The following UBR3 variants were observed in gnomAD, a reference collection of about 807,000 sequenced individuals.
UBR3 encodes ubiquitin protein ligase E3 component n-recognin 3.
In UBR3, 85 loss-of-function variants were observed where a neutral mutation model predicts 243.2. The observed-to-expected ratio is 0.35, with a 90% CI of 0.29 to 0.42. The LOEUF (loss-of-function observed/expected upper bound fraction) is 0.42, where lower values mean the gene tolerates loss of function less well. UBR3 is among the 10% of genes least tolerant of loss of function. The pLI is 1.00. For missense variants in UBR3, 1,686 were observed against 2,300.8 expected (o/e 0.73, Z 5.47); for synonymous variants, 748 against 799.8 (o/e 0.94, Z 1.09).
intron 24 of UBR3, among the ~76,000 whole-genome samples, chr2:169,969,613 A>G (rs528648590): frequency 2.0e-5 from 3 of 150,358 alleles, no homozygotes; most frequent in African/African-American, 4.9e-5. Flanking sequence ...CAGTGGTGCA[A>G]TCTCGGCTCA....
chr2:169,974,057 G>C (rs572412783), intron 24 of UBR3, among the ~76,000 whole-genome samples: 3 of 152,118 alleles, frequency 2.0e-5, no homozygotes, highest in African/African-American at 7.2e-5. Flanking sequence ...TTTGATCATG[G>C]TGAGTGATCT....
At chr2:169,835,958 A>G in intron 1 of UBR3, among the ~76,000 whole-genome samples, 1 of 132,518 alleles carries the variant, frequency 7.5e-6, no homozygotes, top group East Asian at 2.4e-4. Context: ...TCCTCTCCAG[A>G]CGTTAACCAT....
At chr2:169,976,833 G>C (rs535178179) in intron 24 of UBR3, among the ~76,000 whole-genome samples, 1 of 151,956 alleles carries the variant, frequency 6.6e-6, no homozygotes, top group Non-Finnish European at 1.5e-5. Context: ...AGGTGTTACT[G>C]GTTTTCTATG....
At chr2:169,862,182 GTAATT>G (rs1223750664) in intron 1 of UBR3, among the ~76,000 whole-genome samples, 1 of 151,804 alleles carries the variant, frequency 6.6e-6, no homozygotes, top group Non-Finnish European at 1.5e-5. Context: ...TGTGCATGCC[GTAATT>G]TAATTTAAAA....
At chr2:169,878,377 A>AT in intron 4 of UBR3, 148 bp from the exon 5 acceptor site, 9 of 711,454 alleles carry the variant, frequency 1.3e-5, no homozygotes, top group Non-Finnish European at 2.0e-5. Flanking sequence ...AAAAAAAAAA[A>AT]GTTGGACTTT....
At chr2:169,916,102 AT>A (rs2085455184) in intron 11 of UBR3, among the ~76,000 whole-genome samples, 1 of 152,038 alleles carries the variant, frequency 6.6e-6, no homozygotes, top group African/African-American at 2.4e-5. Context: ...GCTCATTGCT[AT>A]TGGGGTATCA....
At chr2:169,838,733 G>A (rs192262548) in intron 1 of UBR3, among the ~76,000 whole-genome samples, 24 of 152,218 alleles carry the variant, frequency 1.6e-4, no homozygotes, top group Admixed American at 1.0e-3. Context: ...AACTCCAGAA[G>A]TCTTAACTTG....
intron 31 of UBR3, among the ~76,000 whole-genome samples, chr2:170,032,722 G>C (rs544917719): frequency 1.3e-5 from 2 of 149,362 alleles, no homozygotes; most frequent in East Asian, 2.0e-4. Flanking sequence ...AGACTAATGT[G>C]TTCCTTTTTA....
chr2:169,889,052 C>T (rs891427150), intron 5 of UBR3, among the ~76,000 whole-genome samples: 1 of 152,168 alleles, frequency 6.6e-6, no homozygotes, highest in Non-Finnish European at 1.5e-5. Flanking sequence ...AATTGCCATT[C>T]AGGGAAATTT....
rs2085924953 is a variant in UBR3 at position 169,926,730 on chromosome 2, A to G, written c.2190A>G (p.Ser730=). 3.2e-6 allele frequency: 5 copies of G among 1,550,094 alleles called. No homozygotes were observed. The East Asian group carries it at 9.8e-5, about 30-fold the overall frequency. The change falls in exon 15 of 39, where the codon TCA becomes TCG. Residue 730 remains serine (S), a synonymous_variant. Coordinates refer to ENST00000272793, the MANE Select transcript of UBR3 (RefSeq NM_172070.4). ...ASRLDPDYFI[S]SVFERFKVVD... ...GACTTGACCCAGATTATTTTATTTC[A>G]TCCGTCTTTGAAAGGTAGGCATAAT...
intron 8 of UBR3, among the ~76,000 whole-genome samples, chr2:169,902,756 C>T (rs1265046485): frequency 6.6e-6 from 1 of 152,032 alleles, no homozygotes; most frequent in African/African-American, 2.4e-5. Flanking sequence ...ATTACAGGTG[C>T]CTGCCACCAC....
chr2:170,055,580 A>G lies in UBR3; in HGVS notation c.4781A>G (p.Lys1594Arg), dbSNP rs151309647. The change falls in exon 33 of 39, where the codon AAA becomes AGA. Residue 1594 changes from lysine (K) to arginine (R), a missense_variant. Physicochemically the swap from Lys to Arg is conservative, Grantham distance 26. This residue lies in a region of UBR3 where 371 missense variants were observed against 422.5 expected (regional missense o/e 0.88). Transcript: ENST00000272793. ...GCCTGGAAACACGCGGGAGCTCTCA[A>G]AAAGGTTAGGCTCTTTCTAAATTTG... The part of the protein sequence containing the change: ...RSAWKHAGAL[K>R]KSTCDAEKSY... 15 of 1,612,976 alleles carry G rather than the reference A, an allele frequency of 9.3e-6. No individual in the cohort carries two copies. In the African/African-American group the frequency reaches 1.3e-4, roughly 14 times the overall value.
intron 37 of UBR3, 25 bp from the exon 38 acceptor site, chr2:170,080,520 C>A: frequency 1.3e-6 from 2 of 1,553,804 alleles, no homozygotes; most frequent in South Asian, 1.2e-5. Flanking sequence ...TTATGAAGTT[C>A]ATTAATATAT....
chr2:170,073,664 GAAT>G (rs1559237920), intron 36 of UBR3, 57 bp downstream of exon 36: 1 of 1,531,012 alleles, frequency 6.5e-7, no homozygotes, highest in South Asian at 1.2e-5. Context: ...ATAGGTAAGA[GAAT>G]AATGAGGACT....
rs1254282215 is a variant in UBR3 at position 169,839,770 on chromosome 2, G to T, written c.545+11718G>T. The stretch of plus-strand genomic sequence containing the variant: ...GAGAGGAGTGACAGATCACAAGTAA[G>T]TGTAAAACTCAGTAAGGCAAACAAC... On this transcript the variant is annotated intron_variant, in intron 1 of 38. Coordinates refer to ENST00000272793, the MANE Select transcript of UBR3 (RefSeq NM_172070.4). Among the ~76,000 whole-genome samples the T allele has an allele frequency of 2.0e-5, 3 of 152,232 alleles. No homozygotes were observed. In the East Asian group the frequency reaches 5.8e-4, roughly 29 times the overall value.
intron 1 of UBR3, among the ~76,000 whole-genome samples, chr2:169,862,217 T>G (rs2083117055): frequency 6.6e-6 from 1 of 152,156 alleles, no homozygotes. Flanking sequence ...TTCATAAATT[T>G]TTTTTTTCTG....
In UBR3 at chr2:170,007,223, T is replaced by C. The variant is rs1450207487; in HGVS notation, c.4230+33T>C. 3 of 1,553,570 alleles carry C rather than the reference T, an allele frequency of 1.9e-6. No individual in the cohort carries two copies. The South Asian group carries it at 3.6e-5, about 18-fold the overall frequency. On this transcript the variant is annotated intron_variant, in intron 28 of 38. Transcript: ENST00000272793. ...TCAGTGTAAGGCATAAATATCCTGGTTAACTCAGCTCTGATTTTCTGCTTT... is the reference window on the plus strand; with the variant it reads ...TCAGTGTAAGGCATAAATATCCTGGCTAACTCAGCTCTGATTTTCTGCTTT...
At chr2:169,959,766 T>C (rs963176567) in intron 24 of UBR3, among the ~76,000 whole-genome samples, 1 of 152,006 alleles carries the variant, frequency 6.6e-6, no homozygotes, top group African/African-American at 2.4e-5. Flanking sequence ...GGTCTGAGGC[T>C]GAAGGCTGAA....
chr2:169,907,850 C>T (rs1266984588), intron 10 of UBR3, among the ~76,000 whole-genome samples: 1 of 151,946 alleles, frequency 6.6e-6, no homozygotes, highest in African/African-American at 2.4e-5. Flanking sequence ...CAGCTCACTG[C>T]AACCTCTGCC....
Sources: gnomAD v4.1 joint callset for allele counts (sites outside exome capture counted in the v4.1 genomes callset) on GRCh38, gnomAD v4.1.1 for gene constraint, gnomAD v4.1.1 regional missense constraint, MANE v1.5 for transcripts, NCBI Gene and HGNC (gene_info 2026-07-23, HGNC 2026-07-21) for gene names.